AGMO: variants seen among roughly 807,000 people sequenced by gnomAD.
AGMO encodes the protein alkylglycerol monooxygenase, also known as glyceryl-ether monooxygenase.
Under a neutral mutation model 60.2 loss-of-function variants are expected in AGMO, and 75 were observed. That is an observed-to-expected ratio of 1.25 (90% CI 1.03 to 1.51). AGMO has a LOEUF of 1.51. Among genes scored for constraint, AGMO ranks in the 40% most tolerant of loss-of-function variants. The probability of loss-of-function intolerance (pLI) is 0.00; values close to 1 mark genes in which losing one functional copy is unlikely to be tolerated. For synonymous variants in AGMO, 261 were observed against 177.1 expected, an observed-to-expected ratio of 1.47 and a Z score of -3.76; for missense variants, 763 against 525.5, an observed-to-expected ratio of 1.45 and a Z score of -4.42.
chr7:15,162,416 G>C, the AGMO span, among the ~76,000 whole-genome samples: 1 of 152,124 alleles, frequency 6.6e-6, no homozygotes, highest in Non-Finnish European at 1.5e-5. Flanking sequence ...AAGGTGACCA[G>C]GCATGGTAGT....
At chr7:15,526,309 T>C (rs1295646021) in intron 3 of AGMO, among the ~76,000 whole-genome samples, 1 of 152,224 alleles carries the variant, frequency 6.6e-6, no homozygotes, top group Non-Finnish European at 1.5e-5. Context: ...AAGTCTTGTC[T>C]GCAGGCCATC....
intron 10 of AGMO, among the ~76,000 whole-genome samples, chr7:15,374,113 CAA>C (rs1361235947): frequency 1.3e-5 from 2 of 152,244 alleles, no homozygotes; most frequent in African/African-American, 2.4e-5. Context: ...AACATAAACA[CAA>C]GAGCAGAATC....
At chr7:15,255,171 A>G (rs1348304934) in intron 12 of AGMO, among the ~76,000 whole-genome samples, 3 of 152,104 alleles carry the variant, frequency 2.0e-5, no homozygotes, top group Non-Finnish European at 4.4e-5. Context: ...GAACATATGG[A>G]CATAGGGAGG....
At chr7:15,198,156 A>C (rs1208230523), downstream of AGMO, among the ~76,000 whole-genome samples, 1 of 145,116 alleles carries the variant, frequency 6.9e-6, no homozygotes, top group Admixed American at 6.9e-5. Context: ...CTCCGATAGA[A>C]GTGGTGAGTA....
intron 12 of AGMO, among the ~76,000 whole-genome samples, chr7:15,255,807 T>G (rs574450491): frequency 3.3e-5 from 5 of 152,104 alleles, no homozygotes; most frequent in African/African-American, 7.2e-5. Flanking sequence ...TTTAGGTAGG[T>G]AGGTACAGAA....
At chr7:15,441,551 CATA>C (rs1781554835) in intron 3 of AGMO, among the ~76,000 whole-genome samples, 1 of 152,036 alleles carries the variant, frequency 6.6e-6, no homozygotes, top group Non-Finnish European at 1.5e-5. Context: ...ATTTGGCAGC[CATA>C]ATAACCTGAG....
intron 3 of AGMO, among the ~76,000 whole-genome samples, chr7:15,437,970 C>A (rs1781447093): frequency 6.6e-6 from 1 of 152,116 alleles, no homozygotes; most frequent in Non-Finnish European, 1.5e-5. Context: ...CCCATAATCA[C>A]ACTTTAACAT....
At chr7:15,223,371 A>T (rs1781980679) in intron 12 of AGMO, among the ~76,000 whole-genome samples, 1 of 151,952 alleles carries the variant, frequency 6.6e-6, no homozygotes, top group Non-Finnish European at 1.5e-5. Context: ...TCATTGCATT[A>T]TATTGAAATG....
intron 2 of AGMO, among the ~76,000 whole-genome samples, chr7:15,553,358 A>G (rs979841279): frequency 9.2e-5 from 14 of 151,770 alleles, no homozygotes; most frequent in African/African-American, 3.4e-4. Flanking sequence ...AAAATAAAAT[A>G]GAAAAAAAAG....
chr7:15,389,742 G>A (rs1404835027), intron 8 of AGMO, among the ~76,000 whole-genome samples: 2 of 152,122 alleles, frequency 1.3e-5, no homozygotes, highest in East Asian at 1.9e-4. Flanking sequence ...TAAATTCTGA[G>A]AACCTTGGTT....
chr7:15,391,429 A>C (rs1213611289), intron 6 of AGMO, among the ~76,000 whole-genome samples: 2 of 152,138 alleles, frequency 1.3e-5, no homozygotes, highest in Non-Finnish European at 2.9e-5. Flanking sequence ...TTCAAAACTC[A>C]TATCATATGT....
At chr7:15,438,519 C>A (rs1781460812) in intron 3 of AGMO, among the ~76,000 whole-genome samples, 1 of 152,134 alleles carries the variant, frequency 6.6e-6, no homozygotes, top group Non-Finnish European at 1.5e-5. Flanking sequence ...TTTTCTAGCC[C>A]CTTACCACCT....
intron 2 of AGMO, among the ~76,000 whole-genome samples, chr7:15,550,489 C>A (rs1784920035): frequency 6.6e-6 from 1 of 152,044 alleles, no homozygotes; most frequent in South Asian, 2.1e-4. Flanking sequence ...GGGGATATCA[C>A]CACCCATCCC....
intron 10 of AGMO, among the ~76,000 whole-genome samples, chr7:15,374,371 TA>T (rs1292422411): frequency 1.3e-5 from 2 of 152,052 alleles, no homozygotes; most frequent in Non-Finnish European, 2.9e-5. Context: ...ATATATTGGC[TA>T]AAAAAGTATA....
At chr7:15,432,912 G>T (rs1781295376) in intron 3 of AGMO, among the ~76,000 whole-genome samples, 1 of 151,938 alleles carries the variant, frequency 6.6e-6, no homozygotes, top group South Asian at 2.1e-4. Context: ...ATGTTAGGTG[G>T]ACGTTGAATA....
chr7:15,432,052 C>T (rs952661488), intron 3 of AGMO, among the ~76,000 whole-genome samples: 7 of 151,572 alleles, frequency 4.6e-5, no homozygotes, highest in South Asian at 4.2e-4. Flanking sequence ...AAAATCTGTT[C>T]TTAGCTAAAG....
chr7:15,488,578 T>C (rs918454499), intron 3 of AGMO, among the ~76,000 whole-genome samples: 1 of 152,180 alleles, frequency 6.6e-6, no homozygotes, highest in African/African-American at 2.4e-5. Context: ...AGGGAATTAT[T>C]GGGCTTTGAC....
intron 12 of AGMO, among the ~76,000 whole-genome samples, chr7:15,307,652 A>G (rs1349623105): frequency 6.6e-6 from 1 of 152,046 alleles, no homozygotes; most frequent in Non-Finnish European, 1.5e-5. Flanking sequence ...TTCAATTACT[A>G]TCTTCAAACT....
intron 12 of AGMO, among the ~76,000 whole-genome samples, chr7:15,231,607 A>C (rs937202581): frequency 1.3e-5 from 2 of 152,258 alleles, no homozygotes; most frequent in Non-Finnish European, 2.9e-5. Flanking sequence ...ATGAATGATC[A>C]TAATCAATTG....
Sources: allele counts gnomAD v4.1 joint callset (sites outside exome capture counted in the v4.1 genomes callset), GRCh38; gene constraint gnomAD v4.1.1; transcripts MANE v1.5; gene names NCBI Gene and HGNC (gene_info 2026-07-23, HGNC 2026-07-21).